The following EYS variants were observed in gnomAD, a reference collection of about 807,000 sequenced individuals.
EYS encodes the protein EGF-like photoreceptor maintenance factor, also known as protein eyes shut homolog.
Under a neutral mutation model 282.1 loss-of-function variants are expected in EYS, and 250 were observed. That is an observed-to-expected ratio of 0.89 (90% CI 0.80 to 0.98). The LOEUF (loss-of-function observed/expected upper bound fraction) is 0.98, where lower values mean the gene tolerates loss of function less well. Among genes scored for constraint, EYS ranks in the 50% least tolerant of loss-of-function variants. EYS has a pLI of 0.00. For missense variants in EYS, 4,016 were observed against 3,709.0 expected, an observed-to-expected ratio of 1.08 and a Z score of -2.15; for synonymous variants, 1,355 against 1,282.9, an observed-to-expected ratio of 1.06 and a Z score of -1.20.
chr6:65,094,918 G>A (rs1161481417), intron 12 of EYS, among the ~76,000 whole-genome samples: 1 of 151,136 alleles, frequency 6.6e-6, no homozygotes, highest in Admixed American at 6.6e-5. Context: ...AAAGTAAAGA[G>A]TTGGTTTTCT....
rs544502134 is a variant in EYS, at chr6:65,529,501, G to A, written c.-332-33508C>T. ...GACAGATGAAACACAGGACACCAGA[G>A]GAAGTTGATTAATAAATTGCCTGTC... On this transcript the variant is annotated intron_variant, in intron 2 of 42. Transcript: ENST00000503581. Among the ~76,000 whole-genome samples the A allele has an allele frequency of 2.6e-5, 4 of 152,208 alleles. No homozygotes were observed. In the South Asian group the frequency reaches 8.3e-4, roughly 32 times the overall value.
intron 22 of EYS, among the ~76,000 whole-genome samples, chr6:64,801,417 A>G (rs1017108462): frequency 2.0e-5 from 3 of 152,162 alleles, no homozygotes; most frequent in African/African-American, 2.4e-5. Flanking sequence ...TTCAAATAAT[A>G]TACTATACAG....
intron 12 of EYS, among the ~76,000 whole-genome samples, chr6:65,185,413 C>T (rs1324121014): frequency 2.0e-5 from 3 of 151,758 alleles, no homozygotes; most frequent in Non-Finnish European, 4.4e-5. Flanking sequence ...GAGCAGCATC[C>T]AGTTTTAGAG....
intron 31 of EYS, among the ~76,000 whole-genome samples, chr6:64,172,398 C>A (rs1285190328): frequency 6.6e-6 from 1 of 152,150 alleles, no homozygotes; most frequent in Non-Finnish European, 1.5e-5. Context: ...TGCCCCTAGC[C>A]CCTGGAAACC....
chr6:65,336,489 A>G (rs1233457145), intron 10 of EYS, among the ~76,000 whole-genome samples: 1 of 151,646 alleles, frequency 6.6e-6, no homozygotes, highest in Admixed American at 6.6e-5. Context: ...TACATTTATT[A>G]CACAATTTTT....
At chr6:64,444,067 C>T (rs561410377) in intron 26 of EYS, among the ~76,000 whole-genome samples, 1 of 152,030 alleles carries the variant, frequency 6.6e-6, no homozygotes, top group African/African-American at 2.4e-5. Flanking sequence ...TACTATTCCA[C>T]CATGACAATG....
chr6:64,467,329 G>A (rs1775957579), intron 26 of EYS, among the ~76,000 whole-genome samples: 1 of 151,914 alleles, frequency 6.6e-6, no homozygotes, highest in African/African-American at 2.4e-5. Flanking sequence ...ATGTCAGTAG[G>A]GCTAGAAATA....
chr6:65,434,834 T>C (rs1384484187), intron 5 of EYS, among the ~76,000 whole-genome samples: 1 of 152,146 alleles, frequency 6.6e-6, no homozygotes, highest in African/African-American at 2.4e-5. Context: ...TTTATACTGC[T>C]ACTTCTCTGT....
rs182954478 is a variant in EYS at position 65,404,400 on chromosome 6, T to A, written c.1056+774A>T. On this transcript the variant is annotated intron_variant, in intron 6 of 42. Coordinates refer to ENST00000503581, the MANE Select transcript of EYS (RefSeq NM_001142800.2). ...GGATTAGTGCATGGACATTTTTATTTATTTTATTTTTATTTTATTTTTTGG... is the reference window on the plus strand; with the variant it reads ...GGATTAGTGCATGGACATTTTTATTAATTTTATTTTTATTTTATTTTTTGG... 4.0e-3 allele frequency among the ~76,000 whole-genome samples: 605 copies of A among 152,112 alleles called. 5 individuals are homozygous for A. The highest frequency in any genetic ancestry group is 0.014 in the African/African-American group (572 of 41,534).
chr6:65,647,493 C>T (rs1767492577), intron 1 of EYS, among the ~76,000 whole-genome samples: 1 of 152,132 alleles, frequency 6.6e-6, no homozygotes, highest in Non-Finnish European at 1.5e-5. Context: ...ATCCTCATCT[C>T]TCACCTTATA....
In EYS at chr6:64,605,207, T is replaced by G. The variant is rs558378309; in HGVS notation, c.3685-11898A>C. Among the ~76,000 whole-genome samples, 28 of 124,036 alleles carry G rather than the reference T, an allele frequency of 2.3e-4. 2 individuals carry two copies. The South Asian group carries it at 6.6e-3, about 29-fold the overall frequency. 81.4% of individuals were successfully genotyped at this position (124,036 alleles called of 152,430 possible). A position where few individuals can be genotyped will look rare whatever the true frequency, so the allele number is the denominator to read the frequency against. On this transcript the variant is annotated intron_variant, in intron 24 of 42. Transcript: ENST00000503581. Reference sequence around the variant, plus strand: ...TCTCGACTTTTCACAATGATTAAGTTTAATTACATGTCAATTATTTTCGAT... The same window carrying G: ...TCTCGACTTTTCACAATGATTAAGTGTAATTACATGTCAATTATTTTCGAT...
intron 12 of EYS, among the ~76,000 whole-genome samples, chr6:65,199,232 G>T (rs969788799): frequency 6.6e-6 from 1 of 152,012 alleles, no homozygotes; most frequent in Non-Finnish European, 1.5e-5. Context: ...ATAAATATTT[G>T]TGTAACCATG....
At chr6:65,455,161 C>A (rs966103694) in intron 5 of EYS, among the ~76,000 whole-genome samples, 3 of 151,980 alleles carry the variant, frequency 2.0e-5, no homozygotes, top group African/African-American at 7.2e-5. Context: ...TTATTTCTGT[C>A]CTCTTTGATT....
At chr6:65,243,804 T>C (rs1767112900) in intron 12 of EYS, among the ~76,000 whole-genome samples, 1 of 152,084 alleles carries the variant, frequency 6.6e-6, no homozygotes, top group African/African-American at 2.4e-5. Flanking sequence ...AGCTACTCTG[T>C]AGGCTGAGGC....
intron 22 of EYS, among the ~76,000 whole-genome samples, chr6:64,627,114 A>G (rs534285708): frequency 6.6e-6 from 1 of 152,342 alleles, no homozygotes; most frequent in East Asian, 1.9e-4. Context: ...TGCAATGTCC[A>G]TAGCTATAGA....
chr6:64,438,711 T>G (rs2150465902), intron 27 of EYS, among the ~76,000 whole-genome samples: 1 of 151,814 alleles, frequency 6.6e-6, no homozygotes, highest in African/African-American at 2.4e-5. Flanking sequence ...TATTAATATC[T>G]AAATATATAT....
intron 36 of EYS, among the ~76,000 whole-genome samples, chr6:63,846,881 G>A (rs1011792841): frequency 1.7e-4 from 26 of 152,002 alleles, no homozygotes; most frequent in Non-Finnish European, 2.9e-4. Context: ...ATGAGCTTTT[G>A]CAAGCTATTC....
intron 9 of EYS, among the ~76,000 whole-genome samples, 184 bp downstream of exon 9, chr6:65,353,274 G>A (rs796274191): frequency 2.2e-4 from 34 of 152,050 alleles, no homozygotes; most frequent in African/African-American, 8.2e-4. Context: ...GATTTCCTAG[G>A]ATGTAGTTGG....
At chr6:64,383,619 G>A (rs1428156366) in intron 29 of EYS, among the ~76,000 whole-genome samples, 1 of 152,168 alleles carries the variant, frequency 6.6e-6, no homozygotes, top group Non-Finnish European at 1.5e-5. Context: ...GTTTATCAGA[G>A]GTTTGGGTTT....
Sources: gnomAD v4.1 joint callset for allele counts (sites outside exome capture counted in the v4.1 genomes callset) on GRCh38, gnomAD v4.1.1 for gene constraint, MANE v1.5 for transcripts, NCBI Gene and HGNC (gene_info 2026-07-23, HGNC 2026-07-21) for gene names.